Variants in BABAM2 observed in about 807,000 individuals in gnomAD.
The protein encoded by BABAM2 is BRISC and BRCA1-A complex member 2.
BABAM2 carries 31 observed loss-of-function variants against 54.7 expected under a neutral mutation model. The ratio of observed to expected loss-of-function variants is 0.57; its 90% CI spans 0.43 to 0.77. The LOEUF (loss-of-function observed/expected upper bound fraction) is 0.77, where lower values mean the gene tolerates loss of function less well. Ranked by LOEUF, BABAM2 falls within the 30% of genes least tolerant of loss-of-function variation. The pLI is 0.00. For missense variants in BABAM2, 364 were observed against 455.8 expected (o/e 0.80, Z 1.83); for synonymous variants, 167 against 162.9 (o/e 1.03, Z -0.19).
chr2:27,890,163 T>C, upstream of BABAM2: 1 of 1,194,756 alleles, frequency 8.4e-7, no homozygotes, highest in Non-Finnish European at 1.2e-6. This position sits in a 1 kb window ranked among gnomAD's most constrained non-coding sequence, Gnocchi z 4.8. Context: ...TGTCTATCCC[T>C]GGAGACCCAG....
At chr2:28,151,608 A>T (rs1211554273) in intron 7 of BABAM2, among the ~76,000 whole-genome samples, 1 of 152,146 alleles carries the variant, frequency 6.6e-6, no homozygotes. Context: ...AGAAAAAAGC[A>T]TCCCTTCCCT....
chr2:28,014,737 C>T (rs1319160920), intron 4 of BABAM2, among the ~76,000 whole-genome samples: 1 of 147,766 alleles, frequency 6.8e-6, no homozygotes, highest in African/African-American at 2.5e-5. Flanking sequence ...GGTTGTTAAA[C>T]ATAGTAATGA....
chr2:28,230,718 G>A lies in BABAM2; in HGVS notation c.681-6484G>A, dbSNP rs1337936110. On this transcript the variant is annotated intron_variant, in intron 7 of 11. Coordinates refer to ENST00000379624, the MANE Select transcript of BABAM2 (RefSeq NM_199191.3). ...ACAACAGAGCAAGACCCTGTCTCAG[G>A]AAAAAAAAAAAAAGAAGAAGAAAGT... 3.7e-4 allele frequency among the ~76,000 whole-genome samples: 53 copies of A among 141,424 alleles called. 1 individual carries two copies. In the East Asian group the frequency reaches 5.3e-3, roughly 14 times the overall value. The allele number at this position is 141,424 out of a possible 152,430, so 92.8% of individuals were successfully genotyped here.
At chr2:27,977,321 T>C (rs997045869) in intron 3 of BABAM2, among the ~76,000 whole-genome samples, 1 of 152,188 alleles carries the variant, frequency 6.6e-6, no homozygotes, top group Admixed American at 6.5e-5. Context: ...ATGTTTATAA[T>C]TTGAAGTTAG....
rs182092914 is a variant in BABAM2, at chr2:28,240,663, A to T, written c.781-660A>T. On this transcript the variant is annotated intron_variant, in intron 8 of 11. Transcript: ENST00000379624. ...GGCAGGCTGATCATCTGAAGTCAGG[A>T]GTTCGAGACCAGCCTGCCCAACATG... 6.8e-3 allele frequency among the ~76,000 whole-genome samples: 1,033 copies of T among 152,238 alleles called. 13 individuals carry two copies. Among genetic ancestry groups the T allele is most frequent in the South Asian group, 0.048 (234 of 4,830 alleles).
chr2:28,189,880 T>G (rs1055932136), intron 7 of BABAM2, among the ~76,000 whole-genome samples: 7 of 152,182 alleles, frequency 4.6e-5, no homozygotes, highest in Non-Finnish European at 5.9e-5. Context: ...ATACCTGATT[T>G]CAATACTTAC....
rs553507605 is a variant in BABAM2, at chr2:28,288,295, T to C, written c.935-10043T>C. Among the ~76,000 whole-genome samples, 40 of 151,816 alleles carry C rather than the reference T, an allele frequency of 2.6e-4. 1 individual carries two copies. Among genetic ancestry groups the C allele is most frequent in the African/African-American group, 9.2e-4 (38 of 41,410 alleles). On this transcript the variant is annotated intron_variant, in intron 10 of 11. Coordinates refer to ENST00000379624, the MANE Select transcript of BABAM2 (RefSeq NM_199191.3). ...AAGGGCAGGAGAGTAGTGGGAAACATTGGTAATATAGGACAGGTTGTGGCT... is the reference window on the plus strand; with the variant it reads ...AAGGGCAGGAGAGTAGTGGGAAACACTGGTAATATAGGACAGGTTGTGGCT...
intron 11 of BABAM2, among the ~76,000 whole-genome samples, chr2:28,301,699 C>G (rs138326812): frequency 1.3e-5 from 2 of 152,208 alleles, no homozygotes; most frequent in East Asian, 1.9e-4. Flanking sequence ...CCCATCCACT[C>G]TACTTTGCCA....
chr2:28,322,897 T>C lies in BABAM2; in HGVS notation c.1089-15553T>C, dbSNP rs930064264. 1.3e-5 allele frequency among the ~76,000 whole-genome samples: 2 copies of C among 152,214 alleles called. No individual in the cohort carries two copies. The highest frequency in any genetic ancestry group is 4.8e-5 in the African/African-American group (2 of 41,458). ...TAAATGTAAATTATCATTATTGTCA[T>C]TAAAGGGGCTAGACGTCTGGCCTGC... On this transcript the variant is annotated intron_variant, in intron 11 of 11. Coordinates refer to ENST00000379624, the MANE Select transcript of BABAM2 (RefSeq NM_199191.3). The surrounding 1 kb of genome is among the most constrained non-coding windows in gnomAD (Gnocchi z 4.1).
At chr2:28,206,371 G>A (rs74376102) in intron 7 of BABAM2, among the ~76,000 whole-genome samples, 1,917 of 152,186 alleles carry the variant, frequency 0.013, 30 homozygotes, top group African/African-American at 0.044. Context: ...CTGCAAAGGG[G>A]TGAGGTACCA....
chr2:27,970,092 A>G (rs1364847714), intron 3 of BABAM2, among the ~76,000 whole-genome samples: 1 of 152,088 alleles, frequency 6.6e-6, no homozygotes, highest in Non-Finnish European at 1.5e-5. Flanking sequence ...TTTTTGGTAT[A>G]TAGTCTATAT....
intron 2 of BABAM2, among the ~76,000 whole-genome samples, chr2:27,919,280 A>C (rs896897489): frequency 1.3e-5 from 2 of 152,168 alleles, no homozygotes; most frequent in African/African-American, 4.8e-5. Context: ...AAAATTTTCT[A>C]TGTTCACAGT....
At chr2:28,090,023 G>T (rs1247022441) in intron 6 of BABAM2, among the ~76,000 whole-genome samples, 1 of 151,976 alleles carries the variant, frequency 6.6e-6, no homozygotes, top group African/African-American at 2.4e-5. Flanking sequence ...AGACAAGTTA[G>T]CAGAGCACAG....
Position 28,176,569 on chromosome 2 carries a change from CAAAAAAAA to C in BABAM2, c.680+47209_680+47216del, listed in dbSNP as rs778275011. 2.2e-3 allele frequency among the ~76,000 whole-genome samples: 11 copies of C among 5,040 alleles called. No homozygotes were observed. The East Asian group carries it at 0.026, about 12-fold the overall frequency. The allele number at this position is 5,040 out of a possible 152,430, so 3.3% of individuals were successfully genotyped here. A position where few individuals can be genotyped will look rare whatever the true frequency, so the allele number is the denominator to read the frequency against. On this transcript the variant is annotated intron_variant, in intron 7 of 11. Coordinates refer to ENST00000379624, the MANE Select transcript of BABAM2 (RefSeq NM_199191.3). The stretch of plus-strand genomic sequence containing the variant: ...TGGGCAACACAGTGAGACTCTATCT[CAAAAAAAA>C]AAAAAAAAAAAAAAAAAAACCTCAC...
chr2:27,942,511 C>T (rs975827795), intron 3 of BABAM2, among the ~76,000 whole-genome samples: 21 of 151,616 alleles, frequency 1.4e-4, no homozygotes, highest in Non-Finnish European at 2.4e-4. Flanking sequence ...CAGGTGCACA[C>T]CACCACACCC....
chr2:28,200,014 T>C (rs1031781686), intron 7 of BABAM2, among the ~76,000 whole-genome samples: 1 of 152,220 alleles, frequency 6.6e-6, no homozygotes, highest in African/African-American at 2.4e-5. Flanking sequence ...TTGTATCTTT[T>C]CTACTAAATG....
At chr2:28,110,445 G>A (rs894113576) in intron 6 of BABAM2, among the ~76,000 whole-genome samples, 7 of 151,858 alleles carry the variant, frequency 4.6e-5, no homozygotes, top group African/African-American at 2.4e-5. Flanking sequence ...CCAACAAGGC[G>A]AAACCCCATC....
At chr2:27,952,312 G>T (rs1470250872) in intron 3 of BABAM2, among the ~76,000 whole-genome samples, 1 of 152,184 alleles carries the variant, frequency 6.6e-6, no homozygotes, top group African/African-American at 2.4e-5. Flanking sequence ...TTGTGTGCTG[G>T]ATTGATGAGT....
At chr2:27,999,438 C>T (rs1218651623) in intron 4 of BABAM2, among the ~76,000 whole-genome samples, 5 of 152,086 alleles carry the variant, frequency 3.3e-5, no homozygotes, top group African/African-American at 1.2e-4. Context: ...CTGAGCAAGC[C>T]AGTTGGCTTG....
Sources: gnomAD v4.1 joint callset for allele counts (sites outside exome capture counted in the v4.1 genomes callset) on GRCh38, gnomAD v4.1.1 for gene constraint, Gnocchi (gnomAD v3.1) non-coding constraint, MANE v1.5 for transcripts, NCBI Gene and HGNC (gene_info 2026-07-23, HGNC 2026-07-21) for gene names.